The following ABCB1 variants were observed in gnomAD, a reference collection of about 807,000 sequenced individuals.
The protein encoded by ABCB1 is ATP-dependent translocase ABCB1.
A neutral mutation model predicts 142.0 loss-of-function variants in ABCB1; 69 were observed. The ratio of observed to expected loss-of-function variants is 0.49; its 90% CI spans 0.40 to 0.59. The LOEUF (loss-of-function observed/expected upper bound fraction) is 0.59, where lower values mean the gene tolerates loss of function less well. Among genes scored for constraint, ABCB1 ranks in the 20% least tolerant of loss-of-function variants. ABCB1 has a pLI of 0.00. For missense variants in ABCB1, 1,326 were observed against 1,554.7 expected (o/e 0.85, Z 2.47); for synonymous variants, 532 against 539.2 (o/e 0.99, Z 0.18).
At chr7:87,694,083 CT>C in intron 1 of ABCB1, 3 of 1,484,300 alleles carry the variant, frequency 2.0e-6, no homozygotes, top group Admixed American at 2.6e-5. Flanking sequence ...GTAAAGCCTT[CT>C]TTTTTGTGTG....
chr7:87,641,902 C>T (rs1482994086), intron 1 of ABCB1, among the ~76,000 whole-genome samples: 1 of 151,856 alleles, frequency 6.6e-6, no homozygotes, highest in East Asian at 1.9e-4. Context: ...TTTACAGAAC[C>T]AAATCTTCTG....
intron 1 of ABCB1, chr7:87,651,044 A>G (rs879142721): frequency 1.5e-6 from 1 of 646,660 alleles, no homozygotes; most frequent in Admixed American, 2.8e-5. Context: ...AACATTCTAT[A>G]ATGTGAAATG....
At chr7:87,565,357 A>G (rs1817744388) in intron 7 of ABCB1, 1 of 379,344 alleles carries the variant, frequency 2.6e-6, no homozygotes, top group Non-Finnish European at 5.3e-6. Context: ...CTCATATCAA[A>G]TCAGTTTAAA....
chr7:87,559,141 T>C (rs894062468), intron 8 of ABCB1, among the ~76,000 whole-genome samples: 4 of 152,106 alleles, frequency 2.6e-5, no homozygotes, highest in African/African-American at 4.8e-5. Context: ...TTATGTAAGA[T>C]AGGGTTATCT....
chr7:87,611,373 C>A (rs1163353094), intron 1 of ABCB1, among the ~76,000 whole-genome samples: 1 of 152,166 alleles, frequency 6.6e-6, no homozygotes, highest in African/African-American at 2.4e-5. Context: ...GCTCTCCTCC[C>A]TTCTTCCCTC....
At chr7:87,606,377 A>G (rs1374709733) in intron 1 of ABCB1, among the ~76,000 whole-genome samples, 2 of 152,170 alleles carry the variant, frequency 1.3e-5, no homozygotes, top group Non-Finnish European at 2.9e-5. Flanking sequence ...AGGAAAACTT[A>G]AGTCTGTTTG....
intron 2 of ABCB1, among the ~76,000 whole-genome samples, chr7:87,596,938 T>C (rs1260969996): frequency 6.6e-6 from 1 of 152,074 alleles, no homozygotes; most frequent in Non-Finnish European, 1.5e-5. Flanking sequence ...CTTTTATTTA[T>C]TTTTTTGTTC....
At chr7:87,688,453 TG>T (rs1376699631) in intron 1 of ABCB1, among the ~76,000 whole-genome samples, 4 of 151,956 alleles carry the variant, frequency 2.6e-5, no homozygotes, top group African/African-American at 4.8e-5. Flanking sequence ...TTTTCATGTT[TG>T]TTTTTTTTCA....
At position 87,525,390 on chromosome 7, in the gene ABCB1, C is replaced by T. The variant is rs530442564; in HGVS notation, c.2686-4514G>A. 2.0e-5 allele frequency among the ~76,000 whole-genome samples: 3 copies of T among 152,200 alleles called. No individual in the cohort carries two copies. In the South Asian group the frequency reaches 6.2e-4, roughly 32 times the overall value. On this transcript the variant is annotated intron_variant, in intron 21 of 27. Transcript: ENST00000622132. Reference sequence around the variant, plus strand: ...AAAGCATCTACAATGGAGCCTTGGACAACATGGGGGTTAGGGAGACTGACC... The same window carrying T: ...AAAGCATCTACAATGGAGCCTTGGATAACATGGGGGTTAGGGAGACTGACC...
At chr7:87,519,111 G>A in intron 23 of ABCB1, 1 of 595,882 alleles carries the variant, frequency 1.7e-6, no homozygotes, top group Non-Finnish European at 3.0e-6. Context: ...GGTCAACTAT[G>A]TGTGAGCCAG....
At chr7:87,638,870 C>T (rs572975090) in intron 1 of ABCB1, among the ~76,000 whole-genome samples, 33 of 152,018 alleles carry the variant, frequency 2.2e-4, no homozygotes, top group African/African-American at 6.0e-4. Flanking sequence ...AATCTATTGT[C>T]GGCTGGGCAT....
intron 1 of ABCB1, among the ~76,000 whole-genome samples, chr7:87,613,248 C>T (rs1342438016): frequency 3.0e-5 from 4 of 135,362 alleles, no homozygotes; most frequent in African/African-American, 1.1e-4. Flanking sequence ...ATTTGAATGT[C>T]CTTTATTTCT....
intron 1 of ABCB1, among the ~76,000 whole-genome samples, chr7:87,606,724 G>A (rs1036151308): frequency 3.3e-5 from 5 of 152,058 alleles, no homozygotes; most frequent in African/African-American, 1.2e-4. Context: ...ATATCAAAGT[G>A]TCAAGAGTGA....
intron 1 of ABCB1, among the ~76,000 whole-genome samples, chr7:87,613,991 T>C (rs1819947401): frequency 6.6e-6 from 1 of 152,208 alleles, no homozygotes; most frequent in Non-Finnish European, 1.5e-5. Context: ...TGTGTTAAAT[T>C]ATCCTTTAGT....
intron 1 of ABCB1, among the ~76,000 whole-genome samples, chr7:87,625,363 A>G (rs1820374548): frequency 6.6e-6 from 1 of 152,212 alleles, no homozygotes; most frequent in Non-Finnish European, 1.5e-5. Flanking sequence ...ATGAACATGT[A>G]CTGGAGGCTA....
chr7:87,539,419 C>G, intron 18 of ABCB1, 74 bp from the exon 19 acceptor site: 1 of 1,454,430 alleles, frequency 6.9e-7, no homozygotes, highest in East Asian at 2.3e-5. Flanking sequence ...GATGTCTTTG[C>G]TAAAGCAGGA....
chr7:87,688,677 G>A lies in ABCB1; in HGVS notation c.-331+24484C>T, dbSNP rs982556649. On this transcript the variant is annotated intron_variant, in intron 1 of 28. Transcript: ENST00000265724. Reference sequence around the variant, plus strand: ...TTTCATTTGAGACTTTATGATTTCTGTTTTAAAACATATGAAATATTTTTC... The same window carrying A: ...TTTCATTTGAGACTTTATGATTTCTATTTTAAAACATATGAAATATTTTTC... Among the ~76,000 whole-genome samples, 8 of 151,608 alleles carry A rather than the reference G, an allele frequency of 5.3e-5. No individual in the cohort carries two copies. The East Asian group carries it at 7.7e-4, about 15-fold the overall frequency.
chr7:87,609,002 A>G (rs955203683), intron 1 of ABCB1, among the ~76,000 whole-genome samples: 3 of 152,220 alleles, frequency 2.0e-5, no homozygotes, highest in African/African-American at 7.2e-5. Context: ...AGTGCTTCGT[A>G]TATATCCATG....
chr7:87,522,431 C>G, intron 21 of ABCB1: 3 of 624,292 alleles, frequency 4.8e-6, no homozygotes, highest in Admixed American at 3.8e-5. Flanking sequence ...TGCCAGGAAA[C>G]AAATCTTAGC....
Sources: allele counts gnomAD v4.1 joint callset (sites outside exome capture counted in the v4.1 genomes callset), GRCh38; gene constraint gnomAD v4.1.1; transcripts MANE v1.5; gene names NCBI Gene and HGNC (gene_info 2026-07-23, HGNC 2026-07-21).